The following PPM1N variants were observed in gnomAD, a reference collection of about 807,000 sequenced individuals.
PPM1N encodes protein phosphatase, Mg2+/Mn2+ dependent 1N (putative).
Under a neutral mutation model 32.6 loss-of-function variants are expected in PPM1N, and 35 were observed. The ratio of observed to expected loss-of-function variants is 1.07; its 90% CI spans 0.82 to 1.43. The LOEUF (loss-of-function observed/expected upper bound fraction) is 1.43, where lower values mean the gene tolerates loss of function less well. Among genes scored for constraint, PPM1N ranks in the 40% most tolerant of loss-of-function variants. The pLI is 0.00. For synonymous variants in PPM1N, 275 were observed against 270.5 expected (o/e 1.02, Z -0.16); for missense variants, 648 against 606.6 (o/e 1.07, Z -0.72).
chr19:45,500,753 G>GCGCC, intron 4 of PPM1N, 43 bp downstream of exon 4: 1 of 1,478,562 alleles, frequency 6.8e-7, no homozygotes. Context: ...AGGAGGGGAC[G>GCGCC]CCCCCCCGCC....
At position 45,499,296 on chromosome 19, in the gene PPM1N, G is replaced by T; in HGVS notation, c.824G>T (p.Gly275Val). The T allele has an allele frequency of 1.2e-6, 2 of 1,613,104 alleles. No individual in the cohort carries two copies. Among genetic ancestry groups the T allele is most frequent in the Non-Finnish European group, 1.7e-6 (2 of 1,179,844 alleles). ...GAGTTCATGCTCCTGGCCTCTGATGGCGTCTGGGACACTGTGTCTGGTGCT... is the reference window on the plus strand; with the variant it reads ...GAGTTCATGCTCCTGGCCTCTGATGTCGTCTGGGACACTGTGTCTGGTGCT... ...EDEFMLLASD[G>V]VWDTVSGAAL... Residue 275 changes from glycine (G) to valine (V), a missense_variant, in exon 1 of 5, where the codon GGC becomes GTC. Transcript: ENST00000451287.
chr19:45,498,559 G>C lies in PPM1N; in HGVS notation c.87G>C (p.Glu29Asp), dbSNP rs546634140. The change falls in exon 1 of 5, where the codon GAG becomes GAC. Residue 29 changes from glutamate to aspartate, a missense_variant. Transcript: ENST00000451287. ...KEREKEGREE[E>D]EEEEAGRRAP... is the part of the protein sequence containing the mutation. The stretch of plus-strand genomic sequence containing the variant: ...GGGAGAAGGAGGGGAGGGAGGAAGA[G>C]GAGGAGGAGGAGGCGGGGCGCAGGG... 2 of 1,406,560 alleles carry C rather than the reference G, an allele frequency of 1.4e-6. No individual in the cohort carries two copies. The highest frequency in any genetic ancestry group is 1.9e-6 in the Non-Finnish European group (2 of 1,076,020). 87.1% of individuals were successfully genotyped at this position (1,406,560 alleles called of 1,614,324 possible).
chr19:45,501,308 A>T (rs1298426158), intron 4 of PPM1N, among the ~76,000 whole-genome samples: 1 of 152,238 alleles, frequency 6.6e-6, no homozygotes, highest in African/African-American at 2.4e-5. Flanking sequence ...GGGCCCAGAT[A>T]GCTAAGGAGA....
chr19:45,500,076 C>T lies in PPM1N; in HGVS notation c.1057+10C>T. On this transcript the variant is annotated intron_variant, in intron 2 of 4. Coordinates refer to ENST00000451287, the MANE Select transcript of PPM1N (RefSeq NM_001080401.2). ...GGCTGCAGAATCGCTGGTGAGCAGA[C>T]TCTGGGGGCCCAGCTGGAGGGGTGG... The T allele has an allele frequency of 6.3e-7, 1 of 1,577,894 alleles. No homozygotes were observed. Among genetic ancestry groups the T allele is most frequent in the Middle Eastern group, 1.7e-4 (1 of 5,972 alleles).
At position 45,500,531 on chromosome 19, in the gene PPM1N, A is replaced by T. The variant is rs1343719526; in HGVS notation, c.1133A>T (p.Asp378Val). 5 of 1,596,348 alleles carry T rather than the reference A, an allele frequency of 3.1e-6. No homozygotes were observed. Among genetic ancestry groups the T allele is most frequent in the Non-Finnish European group, 4.3e-6 (5 of 1,170,826 alleles). ...ACTCTGGCCTCAGAGGACATCCCAG[A>T]TTTACCTCCTGGGGGAGGGCTGGAC... ...FRTLASEDIP[D>V]LPPGGGLDCK... The change falls in exon 3 of 5, where the codon GAT (aspartate) becomes GTT (valine). Residue 378 changes from aspartate (D) to valine (V), a missense_variant. Transcript: ENST00000451287.
rs1282617596 is a variant in PPM1N, at chr19:45,498,800, G to A, written c.328G>A (p.Ala110Thr). The A allele has an allele frequency of 1.3e-6, 2 of 1,550,162 alleles. No individual in the cohort carries two copies. The highest frequency in any genetic ancestry group is 1.7e-6 in the Non-Finnish European group (2 of 1,154,606). ...AVLDGHGGAR[A>T]ARFGARHLPG... is the part of the protein sequence containing the mutation. ...CCTCGACGGCCACGGTGGGGCTCGA[G>A]CTGCCCGCTTCGGTGCACGCCATTT... The change falls in exon 1 of 5, where the codon GCT becomes ACT. Residue 110 changes from alanine (A) to threonine (T), a missense_variant. Transcript: ENST00000451287.
rs768271011 is a variant in PPM1N at position 45,502,171 on chromosome 19, T to G, written c.*86T>G. ...AACCGACCCTTTCCCCAACTACATG[T>G]ACCAGCGGAAGGAAGGAAGGCCAAT... On this transcript the variant is annotated 3_prime_UTR_variant, in exon 5 of 5. Coordinates refer to ENST00000451287, the MANE Select transcript of PPM1N (RefSeq NM_001080401.2). 9.4e-7 allele frequency: 1 copy of G among 1,069,116 alleles called. No homozygotes were observed. The highest frequency in any genetic ancestry group is 1.4e-5 in the South Asian group (1 of 72,544). The allele number at this position is 1,069,116 out of a possible 1,614,324, so 66.2% of individuals were successfully genotyped here.
chr19:45,499,829 G>A, intron 1 of PPM1N, 120 bp from the exon 2 acceptor site: 1 of 1,495,564 alleles, frequency 6.7e-7, no homozygotes. Context: ...TGGCAGGTGG[G>A]TGGGACGCGA....
chr19:45,499,723 C>T (rs868568874), intron 1 of PPM1N: 1 of 1,542,394 alleles, frequency 6.5e-7, no homozygotes, highest in East Asian at 2.5e-5. Flanking sequence ...GGTGGAAGAG[C>T]AGGTAAACAT....
In PPM1N at chr19:45,498,920, C is replaced by G; in HGVS notation, c.448C>G (p.Arg150Gly). The stretch of plus-strand genomic sequence containing the variant: ...CCGAGCCTTCTTGAGCGCCGACGAG[C>G]GCCTGCGCTCCCTCTGGCCCCGCGT... ...LRRAFLSADERLRSLWPRVET... is the reference protein window; with the variant it reads ...LRRAFLSADEGLRSLWPRVET... Residue 150 changes from arginine to glycine, a missense_variant, in exon 1 of 5, where the codon CGC becomes GGC. Physicochemically the swap from Arg to Gly is moderately radical, Grantham distance 125. Transcript: ENST00000451287. The G allele has an allele frequency of 1.3e-6, 2 of 1,531,868 alleles. No individual in the cohort carries two copies. Among genetic ancestry groups the G allele is most frequent in the Non-Finnish European group, 1.7e-6 (2 of 1,148,618 alleles). The allele number at this position is 1,531,868 out of a possible 1,614,324, so 94.9% of individuals were successfully genotyped here. A position where few individuals can be genotyped will look rare whatever the true frequency, so the allele number is the denominator to read the frequency against.
At chr19:45,501,599 A>G (rs1968415007) in intron 4 of PPM1N, among the ~76,000 whole-genome samples, 1 of 152,154 alleles carries the variant, frequency 6.6e-6, no homozygotes, top group Non-Finnish European at 1.5e-5. Context: ...AAGAGTTTAG[A>G]GTCTTAAGGC....
At chr19:45,499,532 G>A (rs1968375041) in intron 1 of PPM1N, 121 bp downstream of exon 1, 2 of 1,553,024 alleles carry the variant, frequency 1.3e-6, no homozygotes, top group East Asian at 2.4e-5. Flanking sequence ...GGAGGGGATA[G>A]GACTCAAGCG....
intron 1 of PPM1N, 29 bp downstream of exon 1, chr19:45,499,440 G>C: frequency 1.3e-6 from 2 of 1,595,842 alleles, no homozygotes; most frequent in Non-Finnish European, 1.7e-6. Context: ...GGTACCTTTG[G>C]GGCTTGGTGC....
rs1402447787 is a variant in PPM1N at position 45,502,291 on chromosome 19, AG to A, written c.*207del. 1 of 519,282 alleles carries A rather than the reference AG, an allele frequency of 1.9e-6. No homozygotes were observed. Among genetic ancestry groups the A allele is most frequent in the African/African-American group, 2.1e-5 (1 of 47,372 alleles). 32.2% of individuals were successfully genotyped at this position (519,282 alleles called of 1,614,324 possible). ...AATTCCACCAACATCCAGACCAAAA[AG>A]AAAAAAGCCCAAATCGAAAAAAAAA... On this transcript the variant is annotated 3_prime_UTR_variant, in exon 5 of 5. Transcript: ENST00000451287.
In PPM1N at chr19:45,499,788, A is replaced by G; in HGVS notation, c.940-161A>G. 8 of 1,500,742 alleles carry G rather than the reference A, an allele frequency of 5.3e-6. No individual in the cohort carries two copies. In the South Asian group the frequency reaches 9.3e-5, roughly 18 times the overall value. 93.0% of individuals were successfully genotyped at this position (1,500,742 alleles called of 1,614,324 possible). A position where few individuals can be genotyped will look rare whatever the true frequency, so the allele number is the denominator to read the frequency against. On this transcript the variant is annotated intron_variant, in intron 1 of 4. Coordinates refer to ENST00000451287, the MANE Select transcript of PPM1N (RefSeq NM_001080401.2). Reference sequence around the variant, plus strand: ...ATTGTTCTCTCAATTGGGAGCGCCTAGGACCGGGTTTGGTCCCAGTAAGAG... The same window carrying G: ...ATTGTTCTCTCAATTGGGAGCGCCTGGGACCGGGTTTGGTCCCAGTAAGAG...
chr19:45,500,619 C>G, intron 3 of PPM1N, 31 bp from the exon 4 acceptor site: 1 of 1,592,828 alleles, frequency 6.3e-7, no homozygotes, highest in East Asian at 2.3e-5. Flanking sequence ...GGAGGAGAGT[C>G]CCCTCCTGAG....
intron 1 of PPM1N, 123 bp from the exon 2 acceptor site, chr19:45,499,826 T>C (rs960424011): frequency 6.7e-7 from 1 of 1,492,238 alleles, no homozygotes; most frequent in Non-Finnish European, 8.9e-7. Context: ...GATTGGCAGG[T>C]GGGTGGGACG....
At position 45,499,917 on chromosome 19, in the gene PPM1N, C is replaced by T. The variant is rs868402305; in HGVS notation, c.940-32C>T. 1.9e-6 allele frequency: 3 copies of T among 1,552,116 alleles called. No individual in the cohort carries two copies. In the South Asian group the frequency reaches 3.6e-5, roughly 18 times the overall value. ...GGGAAGCTCTGCCTTGGACTCTCCCCCACCGGGCTCCTTTTTCTCCACCGG... is the reference window on the plus strand; with the variant it reads ...GGGAAGCTCTGCCTTGGACTCTCCCTCACCGGGCTCCTTTTTCTCCACCGG... On this transcript the variant is annotated intron_variant, in intron 1 of 4. Coordinates refer to ENST00000451287, the MANE Select transcript of PPM1N (RefSeq NM_001080401.2).
chr19:45,499,485 A>C (rs779959001), intron 1 of PPM1N, 74 bp downstream of exon 1: 9 of 1,592,652 alleles, frequency 5.7e-6, no homozygotes, highest in Admixed American at 5.3e-5. Context: ...TTTGGGGAGG[A>C]GGGCTTTGAT....
Sources: allele counts gnomAD v4.1 joint callset (sites outside exome capture counted in the v4.1 genomes callset), GRCh38; gene constraint gnomAD v4.1.1; transcripts MANE v1.5; gene names NCBI Gene and HGNC (gene_info 2026-07-23, HGNC 2026-07-21).